The following CKAP2L variants were observed in gnomAD, a reference collection of about 807,000 sequenced individuals.
CKAP2L encodes the protein cytoskeleton-associated protein 2-like.
A neutral mutation model predicts 65.7 loss-of-function variants in CKAP2L; 42 were observed. The observed-to-expected ratio is 0.64, with a 90% CI of 0.50 to 0.83. The LOEUF is 0.83. CKAP2L is among the 40% of genes least tolerant of loss of function. CKAP2L has a pLI of 0.00. For synonymous variants in CKAP2L, 325 were observed against 313.5 expected (o/e 1.04, Z -0.39); for missense variants, 908 against 871.0 (o/e 1.04, Z -0.53).
At chr2:112,764,286 G>C (rs902725997) in intron 1 of CKAP2L, among the ~76,000 whole-genome samples, 1 of 152,212 alleles carries the variant, frequency 6.6e-6, no homozygotes, top group East Asian at 1.9e-4. Flanking sequence ...TCTTTATCCG[G>C]AACGTGGTGA....
At chr2:112,746,307 A>G (rs1390191820) in intron 6 of CKAP2L, 113 bp downstream of exon 6, 13 of 771,074 alleles carry the variant, frequency 1.7e-5, no homozygotes, top group Admixed American at 7.8e-5. Flanking sequence ...GTATGACTTT[A>G]TAAGTGTTGG....
At chr2:112,747,178 C>G (rs1343587028) in intron 5 of CKAP2L, among the ~76,000 whole-genome samples, 5 of 151,846 alleles carry the variant, frequency 3.3e-5, no homozygotes, top group Non-Finnish European at 5.9e-5. Context: ...GCAACCTCTA[C>G]CTCCTGGGAT....
chr2:112,745,295 A>C (rs529213851), intron 6 of CKAP2L, among the ~76,000 whole-genome samples: 1 of 152,358 alleles, frequency 6.6e-6, no homozygotes, highest in Non-Finnish European at 1.5e-5. Context: ...CAAAGGCAAA[A>C]CAAGACAATA....
At position 112,760,750 on chromosome 2, in the gene CKAP2L, G is replaced by T; in HGVS notation, c.119C>A (p.Ser40Tyr). The change falls in exon 3 of 9, where the codon TCC becomes TAC. Residue 40 changes from serine (S) to tyrosine (Y), a missense_variant. Transcript: ENST00000302450. Reference sequence around the variant, plus strand: ...TGGTTGATTCTGGCAATTATTCTTGGATTTTAGATAAGGCCTATAAAAGAC... The same window carrying T: ...TGGTTGATTCTGGCAATTATTCTTGTATTTTAGATAAGGCCTATAAAAGAC... ...KSQNTKPYLK[S>Y]KNNCQNQPPS... 6.6e-7 allele frequency: 1 copy of T among 1,512,762 alleles called. No individual in the cohort carries two copies. The highest frequency in any genetic ancestry group is 9.1e-7 in the Non-Finnish European group (1 of 1,101,538). The allele number at this position is 1,512,762 out of a possible 1,614,324, so 93.7% of individuals were successfully genotyped here.
At chr2:112,741,077 T>A in intron 7 of CKAP2L, 70 bp from the exon 8 acceptor site, 1 of 979,776 alleles carries the variant, frequency 1.0e-6, no homozygotes, top group Admixed American at 1.9e-5. Context: ...GTCAATAACA[T>A]GAAAAATACA....
intron 6 of CKAP2L, among the ~76,000 whole-genome samples, chr2:112,746,046 T>C (rs184379283): frequency 3.9e-5 from 6 of 152,340 alleles, no homozygotes; most frequent in Admixed American, 2.0e-4. Context: ...TTAAACTATG[T>C]GCATGTACAA....
chr2:112,751,533 A>G (rs1303160496), intron 5 of CKAP2L, among the ~76,000 whole-genome samples: 2 of 152,216 alleles, frequency 1.3e-5, no homozygotes, highest in Admixed American at 6.5e-5. Context: ...AACAACAAAA[A>G]AAGAGGATAA....
chr2:112,739,389 C>A (rs558789065), intron 8 of CKAP2L, among the ~76,000 whole-genome samples: 1 of 152,304 alleles, frequency 6.6e-6, no homozygotes, highest in East Asian at 1.9e-4. Flanking sequence ...CCATTGTACT[C>A]CAGTCTGGGC....
intron 2 of CKAP2L, among the ~76,000 whole-genome samples, chr2:112,761,144 A>G (rs1680708493): frequency 6.6e-6 from 1 of 152,154 alleles, no homozygotes; most frequent in East Asian, 1.9e-4. Flanking sequence ...CACAATGCCA[A>G]ATAAAACCAT....
chr2:112,751,364 T>C (rs60255523), intron 5 of CKAP2L, among the ~76,000 whole-genome samples: 2,106 of 152,296 alleles, frequency 0.014, 46 homozygotes, highest in African/African-American at 0.048. Context: ...TGTATGGACA[T>C]GCATGAAAAC....
chr2:112,744,497 C>T (rs1239115998), intron 6 of CKAP2L, among the ~76,000 whole-genome samples: 1 of 152,174 alleles, frequency 6.6e-6, no homozygotes, highest in African/African-American at 2.4e-5. Context: ...AGCCTAGTAA[C>T]TGTGTCTGAC....
chr2:112,754,647 G>A (rs1310209617), intron 4 of CKAP2L, among the ~76,000 whole-genome samples: 1 of 152,226 alleles, frequency 6.6e-6, no homozygotes, highest in Non-Finnish European at 1.5e-5. Context: ...GCACACTGCA[G>A]GTGCTGAAGA....
At position 112,755,738 on chromosome 2, in the gene CKAP2L, GA is replaced by G. The variant is rs150191453; in HGVS notation, c.1394+238del. 8.1e-3 allele frequency among the ~76,000 whole-genome samples: 1,108 copies of G among 136,386 alleles called. 9 individuals are homozygous for G. The highest frequency in any genetic ancestry group is 0.027 in the African/African-American group (1,018 of 37,310). The allele number at this position is 136,386 out of a possible 152,430, so 89.5% of individuals were successfully genotyped here. On this transcript the variant is annotated intron_variant, in intron 4 of 8. Coordinates refer to ENST00000302450, the MANE Select transcript of CKAP2L (RefSeq NM_152515.5). ...CCATTCTGTTTCAATTTCTTAAAAA[GA>G]AAAAAAAAAAGCTATTGTAAACATA...
intron 2 of CKAP2L, among the ~76,000 whole-genome samples, chr2:112,761,377 C>G (rs142196381): frequency 1.4e-4 from 20 of 143,540 alleles, no homozygotes; most frequent in Admixed American, 1.2e-3. Context: ...AGGAAAATGG[C>G]GTGAAACTGG....
intron 1 of CKAP2L, 131 bp from the exon 2 acceptor site, chr2:112,762,700 T>C: frequency 1.5e-6 from 1 of 689,108 alleles, no homozygotes; most frequent in South Asian, 1.7e-5. Flanking sequence ...AAATCCCTAG[T>C]CCTATAAATG....
At position 112,756,372 on chromosome 2, in the gene CKAP2L, G is replaced by C. The variant is rs1361015853; in HGVS notation, c.999C>G (p.Pro333=). The part of the protein sequence containing the change: ...VTEQRVKHTK[P]RTYPSLLQGE... ...CCTGAAGCAAACTGGGGTATGTTCTGGGTTTGGTGTGCTTCACTCTCTGTT... is the reference window on the plus strand; with the variant it reads ...CCTGAAGCAAACTGGGGTATGTTCTCGGTTTGGTGTGCTTCACTCTCTGTT... Residue 333 remains proline, a synonymous_variant, in exon 4 of 9, where the codon CCC becomes CCG. Transcript: ENST00000302450. 2.5e-6 allele frequency: 4 copies of C among 1,613,756 alleles called. No individual in the cohort carries two copies. Among genetic ancestry groups the C allele is most frequent in the Non-Finnish European group, 1.7e-6 (2 of 1,179,932 alleles).
intron 1 of CKAP2L, 81 bp from the exon 2 acceptor site, chr2:112,762,650 C>T: frequency 8.5e-7 from 1 of 1,174,080 alleles, no homozygotes; most frequent in East Asian, 2.4e-5. Flanking sequence ...AAAGATGACA[C>T]TTTTCTCTAG....
intron 5 of CKAP2L, among the ~76,000 whole-genome samples, chr2:112,749,963 C>T (rs1186734806): frequency 3.3e-5 from 5 of 152,102 alleles, no homozygotes; most frequent in African/African-American, 1.2e-4. Flanking sequence ...GTTCTAGCAT[C>T]TTTTTTTCCC....
intron 7 of CKAP2L, 81 bp downstream of exon 7, chr2:112,742,625 T>G (rs1680048213): frequency 3.1e-6 from 3 of 972,606 alleles, no homozygotes; most frequent in African/African-American, 3.3e-5. Flanking sequence ...GATGATTCTT[T>G]TCTTCTTTTT....
Sources: allele counts gnomAD v4.1 joint callset (sites outside exome capture counted in the v4.1 genomes callset), GRCh38; gene constraint gnomAD v4.1.1; transcripts MANE v1.5; gene names NCBI Gene and HGNC (gene_info 2026-07-23, HGNC 2026-07-21).